Variants in MYO6 observed in about 807,000 individuals in gnomAD.
The protein encoded by MYO6 is unconventional myosin-VI.
In MYO6, 74 loss-of-function variants were observed where a neutral mutation model predicts 178.7. That is an observed-to-expected ratio of 0.41 (90% CI 0.34 to 0.50). MYO6 has a LOEUF of 0.50. Ranked by LOEUF, MYO6 falls within the 20% of genes least tolerant of loss-of-function variation. The pLI, the probability that MYO6 is intolerant of heterozygous loss-of-function variation, is 0.09. For missense variants in MYO6, 1,330 were observed against 1,547.4 expected (o/e 0.86, Z 2.36); for synonymous variants, 477 against 504.6 (o/e 0.95, Z 0.73).
chr6:75,909,024 G>T (rs996212408), intron 32 of MYO6, among the ~76,000 whole-genome samples: 6 of 152,130 alleles, frequency 3.9e-5, no homozygotes, highest in Non-Finnish European at 8.8e-5. Flanking sequence ...AAGGATGATG[G>T]TTAGTTTTTA....
At chr6:75,755,156 C>A (rs1418722598) in intron 1 of MYO6, among the ~76,000 whole-genome samples, 2 of 152,090 alleles carry the variant, frequency 1.3e-5, no homozygotes, top group Non-Finnish European at 2.9e-5. Context: ...TCTCCTGAGC[C>A]CAAGAGGTCA....
chr6:75,891,369 A>C, intron 27 of MYO6, 63 bp downstream of exon 27: 390 of 1,239,844 alleles, frequency 3.1e-4, no homozygotes, highest in Non-Finnish European at 4.2e-4. Flanking sequence ...GTGGTGGCTC[A>C]TGCCTGTAAT....
At chr6:75,845,066 T>A in intron 10 of MYO6, 89 bp downstream of exon 10, 1 of 1,039,512 alleles carries the variant, frequency 9.6e-7, no homozygotes, top group Non-Finnish European at 1.5e-6. Flanking sequence ...AGAGCCCAAG[T>A]AAGAGTTCTA....
At chr6:75,831,225 G>C (rs553518787) in intron 5 of MYO6, among the ~76,000 whole-genome samples, 1 of 152,266 alleles carries the variant, frequency 6.6e-6, no homozygotes, top group Admixed American at 6.5e-5. Context: ...TTTGCATTCA[G>C]ACATAAAGCA....
chr6:75,912,539 G>A (rs1780839836), intron 33 of MYO6, among the ~76,000 whole-genome samples: 2 of 151,972 alleles, frequency 1.3e-5, no homozygotes, highest in Non-Finnish European at 2.9e-5. Flanking sequence ...TTTCTATTTA[G>A]TTTCTGAATT....
At chr6:75,866,275 C>CTGTGTGTGTGTGTG (rs10687890) in intron 16 of MYO6, among the ~76,000 whole-genome samples, 521 of 119,202 alleles carry the variant, frequency 4.4e-3, no homozygotes, top group African/African-American at 5.6e-3. Context: ...GTCTCTGTCT[C>CTGTGTGTGTGTGTG]TGTGTGTGTG....
intron 15 of MYO6, 54 bp from the exon 16 acceptor site, chr6:75,862,542 C>A (rs1776291245): frequency 2.0e-6 from 3 of 1,497,800 alleles, no homozygotes; most frequent in Non-Finnish European, 2.8e-6. Context: ...GTTCACATAT[C>A]TTTAAAATGT....
intron 5 of MYO6, 46 bp from the exon 6 acceptor site, chr6:75,832,796 T>C (rs769916641): frequency 8.5e-7 from 1 of 1,169,930 alleles, no homozygotes; most frequent in South Asian, 1.2e-5. Context: ...TTATTAACTT[T>C]ATATTTAATA....
chr6:75,854,964 T>C (rs1471299341), intron 11 of MYO6, among the ~76,000 whole-genome samples, 175 bp from the exon 12 acceptor site: 1 of 152,182 alleles, frequency 6.6e-6, no homozygotes, highest in African/African-American at 2.4e-5. Flanking sequence ...CTGTTGATCT[T>C]AGCAGTACGG....
At chr6:75,782,848 A>G (rs936549882) in intron 1 of MYO6, among the ~76,000 whole-genome samples, 5 of 151,698 alleles carry the variant, frequency 3.3e-5, no homozygotes, top group African/African-American at 1.2e-4. Context: ...ACTTGTTGCA[A>G]ATTTAGTTTT....
Position 75,828,546 on chromosome 6 carries a change from T to A in MYO6, c.194T>A (p.Leu65Gln). 6.5e-7 allele frequency: 1 copy of A among 1,548,668 alleles called. No individual in the cohort carries two copies. The highest frequency in any genetic ancestry group is 8.9e-7 in the Non-Finnish European group (1 of 1,120,984). ...TATAAATTTTATGTCTTAGGTTCAC[T>A]AATGTATTTAAATGAAGCCACACTG... is the stretch of plus-strand genomic sequence containing the variant. ...SKKDVEDNCS[L>Q]MYLNEATLLH... The change falls in exon 4 of 35, where the codon CTA (leucine) becomes CAA (glutamine). Residue 65 changes from leucine to glutamine, a missense_variant. Transcript: ENST00000369977.
chr6:75,756,910 TACAC>T (rs35759968), intron 1 of MYO6, among the ~76,000 whole-genome samples: 5 of 123,900 alleles, frequency 4.0e-5, no homozygotes, highest in African/African-American at 9.7e-5. Context: ...TATATATATA[TACAC>T]ATATATATAC....
chr6:75,904,598 T>C (rs1394380773), intron 30 of MYO6, among the ~76,000 whole-genome samples: 5 of 152,226 alleles, frequency 3.3e-5, no homozygotes, highest in Non-Finnish European at 5.9e-5. Context: ...TAAGCACTTC[T>C]CTGTATTGGT....
At chr6:75,804,992 TAC>T (rs1277901885) in intron 1 of MYO6, among the ~76,000 whole-genome samples, 11 of 118,832 alleles carry the variant, frequency 9.3e-5, no homozygotes, top group Admixed American at 6.7e-4. Context: ...CATATATATA[TAC>T]ACACACACAT....
At chr6:75,833,886 T>A (rs948504188) in intron 6 of MYO6, among the ~76,000 whole-genome samples, 5 of 152,214 alleles carry the variant, frequency 3.3e-5, no homozygotes, top group African/African-American at 1.2e-4. Context: ...TAGTTTGGAA[T>A]GGTGGGCTCT....
chr6:75,889,692 T>C (rs7767675), intron 25 of MYO6, among the ~76,000 whole-genome samples: 60,402 of 152,114 alleles, frequency 0.4, 12,912 homozygotes, highest in Middle Eastern at 0.54. Context: ...GGATTATAGG[T>C]GTGAGCCACT....
At chr6:75,893,528 T>A (rs2149376442) in intron 28 of MYO6, among the ~76,000 whole-genome samples, 1 of 152,226 alleles carries the variant, frequency 6.6e-6, no homozygotes, top group East Asian at 1.9e-4. Context: ...TGTTTCCTTG[T>A]GAAAGGATCA....
At chr6:75,887,115 T>C in intron 25 of MYO6, 121 bp downstream of exon 25, 1 of 876,992 alleles carries the variant, frequency 1.1e-6, no homozygotes, top group South Asian at 1.6e-5. Flanking sequence ...GTGTTGAGAC[T>C]CAATGATGGC....
intron 9 of MYO6, among the ~76,000 whole-genome samples, chr6:75,842,299 CAGGTT>C (rs1278377977): frequency 6.6e-6 from 1 of 152,088 alleles, no homozygotes; most frequent in Non-Finnish European, 1.5e-5. Context: ...TTCAGATTCT[CAGGTT>C]AGAAAACAGT....
Sources: allele counts gnomAD v4.1 joint callset (sites outside exome capture counted in the v4.1 genomes callset), GRCh38; gene constraint gnomAD v4.1.1; transcripts MANE v1.5; gene names NCBI Gene and HGNC (gene_info 2026-07-23, HGNC 2026-07-21).